The following ZNF385D variants were observed in gnomAD, a reference collection of about 807,000 sequenced individuals.
ZNF385D encodes the protein zinc finger protein 385D.
Under a neutral mutation model 35.8 loss-of-function variants are expected in ZNF385D, and 15 were observed. The observed-to-expected ratio is 0.42, with a 90% CI of 0.28 to 0.64. The LOEUF (loss-of-function observed/expected upper bound fraction) is 0.64, where lower values mean the gene tolerates loss of function less well. ZNF385D is among the 30% of genes least tolerant of loss of function. ZNF385D has a pLI of 0.23. For synonymous variants in ZNF385D, 212 were observed against 186.8 expected (o/e 1.13, Z -1.10); for missense variants, 474 against 494.6 (o/e 0.96, Z 0.39).
At chr3:21,776,343 T>G (rs757377285) in intron 3 of ZNF385D, among the ~76,000 whole-genome samples, 1 of 152,044 alleles carries the variant, frequency 6.6e-6, no homozygotes, top group South Asian at 2.1e-4. Context: ...TACTGTTCAA[T>G]TGCTCTCTCA....
intron 2 of ZNF385D, among the ~76,000 whole-genome samples, chr3:21,628,848 C>G (rs2065204603): frequency 6.6e-6 from 1 of 152,018 alleles, no homozygotes; most frequent in African/African-American, 2.4e-5. Flanking sequence ...TTACTATGTG[C>G]CAGTGACTCT....
intron 2 of ZNF385D, among the ~76,000 whole-genome samples, chr3:22,334,060 C>T (rs954609334): frequency 2.0e-5 from 3 of 152,164 alleles, no homozygotes; most frequent in African/African-American, 4.8e-5. Flanking sequence ...CACATCCTTT[C>T]GCTTTTAAAT....
intron 3 of ZNF385D, among the ~76,000 whole-genome samples, chr3:21,529,550 AT>A (rs1021978211): frequency 1.3e-5 from 2 of 151,734 alleles, no homozygotes; most frequent in Non-Finnish European, 2.9e-5. Context: ...TCTTGTGATT[AT>A]TTTTTTTCCA....
intron 3 of ZNF385D, among the ~76,000 whole-genome samples, chr3:21,923,744 G>T (rs151184816): frequency 2.0e-3 from 297 of 152,222 alleles, no homozygotes; most frequent in African/African-American, 6.9e-3. Context: ...TCATAAGGAA[G>T]TTAATGCAGG....
At chr3:21,700,533 C>G (rs12632528) in intron 1 of ZNF385D, among the ~76,000 whole-genome samples, 1 of 151,976 alleles carries the variant, frequency 6.6e-6, no homozygotes. Context: ...TTAGGGATTA[C>G]AGAAAATCAG....
At chr3:21,976,524 A>G (rs1703634082) in intron 3 of ZNF385D, among the ~76,000 whole-genome samples, 1 of 152,166 alleles carries the variant, frequency 6.6e-6, no homozygotes, top group Non-Finnish European at 1.5e-5. Flanking sequence ...TATCTAGACT[A>G]TAACAGGAAA....
intron 3 of ZNF385D, among the ~76,000 whole-genome samples, chr3:22,043,295 A>T (rs1698785671): frequency 6.6e-6 from 1 of 152,004 alleles, no homozygotes; most frequent in Admixed American, 6.6e-5. Flanking sequence ...AACACCGTCA[A>T]AGATTAGAGA....
intron 3 of ZNF385D, among the ~76,000 whole-genome samples, chr3:22,021,722 A>G (rs931854420): frequency 3.3e-5 from 5 of 152,086 alleles, no homozygotes; most frequent in African/African-American, 1.2e-4. Context: ...TGGCTTAGGA[A>G]TGAGGAAAGC....
chr3:22,201,014 A>G (rs1696755799), intron 2 of ZNF385D, among the ~76,000 whole-genome samples: 1 of 152,086 alleles, frequency 6.6e-6, no homozygotes, highest in African/African-American at 2.4e-5. Context: ...CAATTATTAC[A>G]GGGTCCTGAG....
intron 2 of ZNF385D, among the ~76,000 whole-genome samples, chr3:21,573,065 C>G (rs540631708): frequency 6.6e-6 from 1 of 152,122 alleles, no homozygotes; most frequent in Non-Finnish European, 1.5e-5. Context: ...TTCAAGAAAT[C>G]TAACTCCGCA....
chr3:21,686,630 C>T (rs2067114167), intron 1 of ZNF385D, among the ~76,000 whole-genome samples: 1 of 152,000 alleles, frequency 6.6e-6, no homozygotes, highest in East Asian at 1.9e-4. Context: ...CTTTGAAAAC[C>T]AGTGTGTATT....
intron 3 of ZNF385D, among the ~76,000 whole-genome samples, chr3:21,810,728 T>G (rs1051125245): frequency 6.6e-6 from 1 of 152,046 alleles, no homozygotes; most frequent in African/African-American, 2.4e-5. Flanking sequence ...TATGTAATTA[T>G]TAAACAAAAT....
intron 3 of ZNF385D, chr3:21,511,885 A>G (rs1707240932): frequency 4.6e-6 from 2 of 435,076 alleles, no homozygotes; most frequent in Admixed American, 5.0e-5. Flanking sequence ...GTGGTGGCTC[A>G]TGACTGTAAT....
intron 1 of ZNF385D, among the ~76,000 whole-genome samples, chr3:21,714,255 G>A (rs1053982503): frequency 6.6e-6 from 1 of 152,078 alleles, no homozygotes; most frequent in Admixed American, 6.6e-5. Flanking sequence ...TACCTTTCCT[G>A]ACACTTACTG....
intron 4 of ZNF385D, among the ~76,000 whole-genome samples, chr3:21,481,318 A>G (rs976010434): frequency 2.0e-5 from 3 of 152,194 alleles, no homozygotes; most frequent in African/African-American, 7.2e-5. Flanking sequence ...AACTGCATTG[A>G]ACAATCTAGA....
intron 3 of ZNF385D, among the ~76,000 whole-genome samples, chr3:21,873,612 T>C (rs1304330894): frequency 3.3e-5 from 5 of 152,104 alleles, no homozygotes; most frequent in Admixed American, 6.6e-5. Flanking sequence ...TGAAATTGTA[T>C]ACCTATTGAA....
At chr3:21,915,734 G>T (rs564284385) in intron 3 of ZNF385D, among the ~76,000 whole-genome samples, 1 of 152,092 alleles carries the variant, frequency 6.6e-6, no homozygotes, top group African/African-American at 2.4e-5. Flanking sequence ...AGAATATCAA[G>T]GGTAGGTTGG....
intron 2 of ZNF385D, among the ~76,000 whole-genome samples, chr3:22,181,105 G>A (rs1221175978): frequency 6.6e-6 from 1 of 151,720 alleles, no homozygotes. Flanking sequence ...TCTGCAACCA[G>A]TTTTTCCATA....
chr3:22,180,072 C>A (rs1243700105), intron 2 of ZNF385D, among the ~76,000 whole-genome samples: 2 of 152,022 alleles, frequency 1.3e-5, no homozygotes, highest in Non-Finnish European at 2.9e-5. Context: ...AGAGAATAAT[C>A]AAATAGATGC....
Sources: gnomAD v4.1 joint callset for allele counts (sites outside exome capture counted in the v4.1 genomes callset) on GRCh38, gnomAD v4.1.1 for gene constraint, MANE v1.5 for transcripts, NCBI Gene and HGNC (gene_info 2026-07-23, HGNC 2026-07-21) for gene names.